Variants in INO80 observed in about 807,000 individuals in gnomAD.
The protein encoded by INO80 is chromatin-remodeling ATPase INO80.
In INO80, 20 loss-of-function variants were observed where a neutral mutation model predicts 203.4. The observed-to-expected ratio is 0.10, with a 90% confidence interval of 0.07 to 0.14. The LOEUF (loss-of-function observed/expected upper bound fraction) is 0.14. Ranked by LOEUF, INO80 falls within the 10% of genes least tolerant of loss-of-function variation. INO80 has a pLI of 1.00. For missense variants in INO80, 1,419 were observed against 1,914.4 expected (o/e 0.74, Z 4.83); for synonymous variants, 726 against 685.2 (o/e 1.06, Z -0.93).
rs1470230888 is a variant in INO80, at chr15:41,091,799, G to A, written c.537+228C>T. Among the ~76,000 whole-genome samples, 9 of 151,726 alleles carry A rather than the reference G, an allele frequency of 5.9e-5. No homozygotes were observed. The South Asian group carries it at 1.3e-3, about 21-fold the overall frequency. On this transcript the variant is annotated intron_variant, in intron 5 of 35. Transcript: ENST00000648947. ...CTCCTGAGTAGCTGGGACTACAGGC[G>A]CACGCCACCACACCCAGCTAAATTT...
At chr15:41,053,307 G>C (rs2044918379) in intron 19 of INO80, among the ~76,000 whole-genome samples, 2 of 152,056 alleles carry the variant, frequency 1.3e-5, no homozygotes, top group Admixed American at 1.3e-4. Context: ...GGGTTTCACT[G>C]TGTTAGCCAG....
Position 40,982,889 on chromosome 15 carries a change from C to T in INO80, c.4426G>A (p.Ala1476Thr). 1 of 1,613,678 alleles carries T rather than the reference C, an allele frequency of 6.2e-7. No individual in the cohort carries two copies. ...TTAGACACGTTGTACCCGTATGCGG[C>T]ATAGGCAGCTGCAGAGGCCGCTGCA... is the stretch of plus-strand genomic sequence containing the variant. ...GAAAASAAAY[A>T]AYGYNVSKGI... The change falls in exon 35 of 36, where the codon GCC (alanine) becomes ACC (threonine). Residue 1476 changes from alanine to threonine, a missense_variant. Around this residue, in one of 9 missense-constraint regions of INO80, gnomAD observed 112 missense variants for 106.2 expected, o/e 1.05. Transcript: ENST00000648947.
At chr15:41,044,761 G>T in intron 24 of INO80, 143 bp downstream of exon 24, 1 of 615,878 alleles carries the variant, frequency 1.6e-6, no homozygotes. Flanking sequence ...AATTAAGTTA[G>T]AACTCAATAT....
At chr15:41,056,579 T>G (rs767356582) in intron 17 of INO80, 43 bp downstream of exon 17, 8 of 1,382,126 alleles carry the variant, frequency 5.8e-6, no homozygotes, top group Admixed American at 1.7e-5. Context: ...GGAATCCTTC[T>G]GTTTTATGAA....
intron 24 of INO80, among the ~76,000 whole-genome samples, chr15:41,040,944 T>C (rs1237138949): frequency 2.0e-5 from 3 of 152,144 alleles, no homozygotes; most frequent in African/African-American, 7.2e-5. Flanking sequence ...AAGGCAATTA[T>C]CCAAATGGCC....
At position 41,046,196 on chromosome 15, in the gene INO80, CGTATACATACATATATATATATATAT is replaced by C. The variant is rs1246705003; in HGVS notation, c.2736-1147_2736-1122del. Among the ~76,000 whole-genome samples, 23 of 58,980 alleles carry C rather than the reference CGTATACATACATATATATATATATAT, an allele frequency of 3.9e-4. 1 individual carries two copies. Among genetic ancestry groups the C allele is most frequent in the African/African-American group, 1.7e-3 (22 of 12,908 alleles). 38.7% of individuals were successfully genotyped at this position (58,980 alleles called of 152,430 possible). A position where few individuals can be genotyped will look rare whatever the true frequency, so the allele number is the denominator to read the frequency against. Reference sequence around the variant, plus strand: ...GTGTGTCTGTGTGTGTCTCTGTGTGCGTATACATACATATATATATATATATATATATATATATATATATATATATA... The same window carrying C: ...GTGTGTCTGTGTGTGTCTCTGTGTGCATATATATATATATATATATATATA... On this transcript the variant is annotated intron_variant, in intron 23 of 35. Coordinates refer to ENST00000648947, the MANE Select transcript of INO80 (RefSeq NM_017553.3).
chr15:41,090,758 T>C (rs1026236968), intron 5 of INO80, among the ~76,000 whole-genome samples: 4 of 151,910 alleles, frequency 2.6e-5, no homozygotes, highest in African/African-American at 9.7e-5. Flanking sequence ...TTGCACACTA[T>C]ATAAGGCTGA....
rs549698829 is a variant in INO80 at position 41,083,254 on chromosome 15, G to A, written c.873+2115C>T. Among the ~76,000 whole-genome samples the A allele has an allele frequency of 6.8e-5, 10 of 147,416 alleles. No individual in the cohort carries two copies. The East Asian group carries it at 2.0e-3, about 30-fold the overall frequency. On this transcript the variant is annotated intron_variant, in intron 7 of 35. Coordinates refer to ENST00000648947, the MANE Select transcript of INO80 (RefSeq NM_017553.3). ...GAGCCGAGATCGCACTCCAGCCTGG[G>A]CGACAAAGCCAGACTCCGTCTCAAA... is the stretch of plus-strand genomic sequence containing the variant.
At chr15:41,085,087 T>C (rs1189544205) in intron 7 of INO80, among the ~76,000 whole-genome samples, 1 of 152,238 alleles carries the variant, frequency 6.6e-6, no homozygotes. Context: ...CAAGTATCTA[T>C]TGCTATATTT....
intron 24 of INO80, among the ~76,000 whole-genome samples, chr15:41,041,871 G>C (rs1346345246): frequency 3.8e-5 from 5 of 131,926 alleles, no homozygotes; most frequent in African/African-American, 1.4e-4. Context: ...GTCTCGCTCT[G>C]TCACTGAGGC....
At chr15:41,031,762 C>T (rs1018919621) in intron 24 of INO80, among the ~76,000 whole-genome samples, 6 of 151,952 alleles carry the variant, frequency 3.9e-5, no homozygotes, top group Non-Finnish European at 8.8e-5. Flanking sequence ...CCCGGAAGCA[C>T]TGGCAGATGT....
chr15:41,027,687 T>G lies in INO80; in HGVS notation c.2957A>C (p.Gln986Pro), dbSNP rs779717361. Reference sequence around the variant, plus strand: ...AGCTGATCTCCGCTGATGGACAACCTGGTCTGAGTAGCCACTCACTGCTTT... The same window carrying G: ...AGCTGATCTCCGCTGATGGACAACCGGGTCTGAGTAGCCACTCACTGCTTT... ...HCKAVSGYSD[Q>P]VVHQRRSATS... The change falls in exon 25 of 36, where the codon CAG (glutamine) becomes CCG (proline). Residue 986 changes from glutamine (Q) to proline (P), a missense_variant. This residue lies in a region of INO80 where 302 missense variants were observed against 345.4 expected (regional missense o/e 0.87). Transcript: ENST00000648947. 1.9e-6 allele frequency: 3 copies of G among 1,613,308 alleles called. No homozygotes were observed. In the African/African-American group the frequency reaches 4.0e-5, roughly 22 times the overall value.
At chr15:41,055,945 G>GTTTTTTT in intron 17 of INO80, among the ~76,000 whole-genome samples, 1 of 128,584 alleles carries the variant, frequency 7.8e-6, no homozygotes, top group Middle Eastern at 3.8e-3. Context: ...TCTTCTTTTG[G>GTTTTTTT]TTTTTTTTTT....
intron 29 of INO80, among the ~76,000 whole-genome samples, chr15:40,988,860 C>G (rs544217927): frequency 2.0e-5 from 3 of 152,138 alleles, no homozygotes; most frequent in Non-Finnish European, 4.4e-5. Context: ...ACTAAAAATA[C>G]AAAAATTAGC....
At chr15:41,041,108 G>A (rs924518696) in intron 24 of INO80, among the ~76,000 whole-genome samples, 15 of 152,100 alleles carry the variant, frequency 9.9e-5, no homozygotes, top group African/African-American at 1.4e-4. Context: ...GTCACTCTCC[G>A]AGGCTCAGAG....
chr15:41,087,508 T>A, intron 6 of INO80, 54 bp downstream of exon 6: 1 of 1,594,586 alleles, frequency 6.3e-7, no homozygotes, highest in Non-Finnish European at 8.6e-7. Context: ...GTAGGCCACA[T>A]GCAATTCTGA....
chr15:41,017,601 T>C (rs2044229618), intron 26 of INO80: 1 of 152,222 alleles, frequency 6.6e-6, no homozygotes. Context: ...AATTATTGTA[T>C]ACAAGGAACA....
chr15:41,112,662 C>G (rs2045973065), intron 1 of INO80, among the ~76,000 whole-genome samples: 1 of 151,460 alleles, frequency 6.6e-6, no homozygotes, highest in South Asian at 2.1e-4. Context: ...GTGGCATGCG[C>G]CTGTAGTCCC....
At chr15:41,005,438 A>C in intron 28 of INO80, 155 bp downstream of exon 28, 1 of 568,512 alleles carries the variant, frequency 1.8e-6, no homozygotes. Flanking sequence ...GAATTATGAT[A>C]AGCAGATTTA....
Sources: allele counts gnomAD v4.1 joint callset (sites outside exome capture counted in the v4.1 genomes callset), GRCh38; gene constraint gnomAD v4.1.1; regional missense constraint gnomAD v4.1.1; transcripts MANE v1.5; gene names NCBI Gene and HGNC (gene_info 2026-07-23, HGNC 2026-07-21).